The following STXBP5L variants were observed in gnomAD, a reference collection of about 807,000 sequenced individuals.
The protein encoded by STXBP5L is syntaxin-binding protein 5-like.
In STXBP5L, 65 loss-of-function variants were observed where a neutral mutation model predicts 144.5. The ratio of observed to expected loss-of-function variants is 0.45; its 90% CI spans 0.37 to 0.55. The LOEUF (loss-of-function observed/expected upper bound fraction) is 0.55. Ranked by LOEUF, STXBP5L falls within the 20% of genes least tolerant of loss-of-function variation. The pLI is 0.00. For synonymous variants in STXBP5L, 505 were observed against 469.6 expected, an observed-to-expected ratio of 1.08 and a Z score of -0.97; for missense variants, 1,298 against 1,405.5, an observed-to-expected ratio of 0.92 and a Z score of 1.22.
At chr3:120,932,865 C>T (rs1177437963) in intron 2 of STXBP5L, among the ~76,000 whole-genome samples, 1 of 151,960 alleles carries the variant, frequency 6.6e-6, no homozygotes, top group Non-Finnish European at 1.5e-5. Flanking sequence ...TACTATGCAG[C>T]CATAAAAAAT....
chr3:121,000,291 ATTATG>A (rs927824301), intron 3 of STXBP5L, among the ~76,000 whole-genome samples: 1 of 152,126 alleles, frequency 6.6e-6, no homozygotes, highest in Non-Finnish European at 1.5e-5. Flanking sequence ...TATCTTATAT[ATTATG>A]TTCATTCTTT....
chr3:121,311,930 G>T (rs185618927), intron 19 of STXBP5L, among the ~76,000 whole-genome samples: 4 of 152,164 alleles, frequency 2.6e-5, no homozygotes, highest in East Asian at 3.9e-4. Flanking sequence ...TCAAGCTACC[G>T]GACTTCAAAC....
intron 7 of STXBP5L, among the ~76,000 whole-genome samples, chr3:121,142,693 T>C (rs1035359472): frequency 4.6e-5 from 7 of 151,696 alleles, no homozygotes; most frequent in Admixed American, 3.3e-4. Context: ...TTAGAAAATA[T>C]CTTGAGACAA....
chr3:121,196,574 C>CT (rs1327279179), intron 9 of STXBP5L, among the ~76,000 whole-genome samples: 8 of 151,730 alleles, frequency 5.3e-5, no homozygotes, highest in Admixed American at 4.6e-4. Context: ...TCTTTATTTC[C>CT]TTTTTTCTGT....
At chr3:121,144,361 G>T (rs1357465673) in intron 7 of STXBP5L, among the ~76,000 whole-genome samples, 5 of 151,712 alleles carry the variant, frequency 3.3e-5, no homozygotes, top group Admixed American at 3.3e-4. Context: ...GAATGCCTAA[G>T]ATCAGGTATA....
At chr3:121,027,533 CT>C (rs1171977633) in intron 3 of STXBP5L, among the ~76,000 whole-genome samples, 2 of 152,048 alleles carry the variant, frequency 1.3e-5, no homozygotes, top group African/African-American at 4.8e-5. Flanking sequence ...CTTCTAAAGG[CT>C]GCCTTTGTTC....
chr3:121,109,390 G>A (rs973888230), intron 5 of STXBP5L, among the ~76,000 whole-genome samples: 6 of 152,064 alleles, frequency 3.9e-5, no homozygotes, highest in Non-Finnish European at 8.8e-5. Flanking sequence ...TCTTAACACT[G>A]CTTTTTCTGT....
intron 20 of STXBP5L, among the ~76,000 whole-genome samples, chr3:121,353,270 T>C (rs1439340773): frequency 2.6e-5 from 4 of 152,182 alleles, no homozygotes; most frequent in African/African-American, 9.7e-5. Flanking sequence ...ACAGCTCCTG[T>C]TTGTACCTCT....
chr3:120,953,567 A>T, intron 2 of STXBP5L, among the ~76,000 whole-genome samples: 1 of 148,674 alleles, frequency 6.7e-6, no homozygotes, highest in East Asian at 2.0e-4. Context: ...TGAACTCCTG[A>T]ACTCAAGCAA....
At chr3:121,076,753 AC>A (rs1224052679) in intron 5 of STXBP5L, among the ~76,000 whole-genome samples, 2 of 151,702 alleles carry the variant, frequency 1.3e-5, no homozygotes, top group Non-Finnish European at 2.9e-5. Flanking sequence ...CACCATTAAA[AC>A]CTTTTTTAAA....
intron 2 of STXBP5L, among the ~76,000 whole-genome samples, chr3:120,912,521 A>C (rs1397558873): frequency 6.6e-6 from 1 of 151,890 alleles, no homozygotes; most frequent in East Asian, 1.9e-4. Context: ...GCTAGCCTTA[A>C]AAAAGTGAAA....
intron 3 of STXBP5L, among the ~76,000 whole-genome samples, chr3:120,964,589 A>G (rs1413163669): frequency 6.6e-6 from 1 of 152,028 alleles, no homozygotes; most frequent in Admixed American, 6.6e-5. Context: ...TTTTGAGTGA[A>G]TTTCTTAATC....
chr3:120,988,166 C>T (rs1347090753), intron 3 of STXBP5L, among the ~76,000 whole-genome samples: 1 of 147,788 alleles, frequency 6.8e-6, no homozygotes, highest in Non-Finnish European at 1.5e-5. Flanking sequence ...GTTTATTTTG[C>T]TCTTTTTTTC....
intron 3 of STXBP5L, among the ~76,000 whole-genome samples, chr3:120,960,763 G>T (rs1938684028): frequency 6.6e-6 from 1 of 152,086 alleles, no homozygotes; most frequent in Non-Finnish European, 1.5e-5. Context: ...CCTGTTGTGG[G>T]GTGGGGGCAG....
intron 3 of STXBP5L, among the ~76,000 whole-genome samples, chr3:121,004,648 T>C (rs1944108425): frequency 6.6e-6 from 1 of 152,162 alleles, no homozygotes; most frequent in Non-Finnish European, 1.5e-5. Flanking sequence ...AGGGAATGCT[T>C]CCAGTTTTTG....
At chr3:121,292,914 A>G (rs1002545718) in intron 19 of STXBP5L, among the ~76,000 whole-genome samples, 2 of 152,202 alleles carry the variant, frequency 1.3e-5, no homozygotes, top group African/African-American at 2.4e-5. Context: ...GGGATAAAAG[A>G]TGACACATTG....
At chr3:121,313,953 C>T (rs1389501129) in intron 19 of STXBP5L, among the ~76,000 whole-genome samples, 1 of 150,252 alleles carries the variant, frequency 6.7e-6, no homozygotes, top group Non-Finnish European at 1.5e-5. Flanking sequence ...CCTCACATCC[C>T]AGACAGGGCG....
At chr3:121,048,739 G>A (rs571410142) in intron 5 of STXBP5L, among the ~76,000 whole-genome samples, 2 of 149,458 alleles carry the variant, frequency 1.3e-5, no homozygotes, top group East Asian at 2.0e-4. Context: ...AGGCTGGAGT[G>A]CAGTGGCACA....
At chr3:121,151,984 T>G (rs1284203705) in intron 7 of STXBP5L, among the ~76,000 whole-genome samples, 1 of 151,998 alleles carries the variant, frequency 6.6e-6, no homozygotes, top group Non-Finnish European at 1.5e-5. Context: ...GACGTGAATC[T>G]CTAGAATAAC....
Sources: gnomAD v4.1 joint callset for allele counts (sites outside exome capture counted in the v4.1 genomes callset) on GRCh38, gnomAD v4.1.1 for gene constraint, MANE v1.5 for transcripts, NCBI Gene and HGNC (gene_info 2026-07-23, HGNC 2026-07-21) for gene names.